The following ZNF385D variants were observed in gnomAD, a reference collection of about 807,000 sequenced individuals.
The protein encoded by ZNF385D is zinc finger protein 659.
ZNF385D carries 15 observed loss-of-function variants against 35.8 expected under a neutral mutation model. The ratio of observed to expected loss-of-function variants is 0.42; its 90% CI spans 0.28 to 0.64. The LOEUF (loss-of-function observed/expected upper bound fraction) is 0.64. Ranked by LOEUF, ZNF385D falls within the 30% of genes least tolerant of loss-of-function variation. ZNF385D has a pLI of 0.23. For synonymous variants in ZNF385D, 212 were observed against 186.8 expected (o/e 1.13, Z -1.10); for missense variants, 474 against 494.6 (o/e 0.96, Z 0.39).
chr3:22,172,692 C>T (rs1694544715), intron 2 of ZNF385D, among the ~76,000 whole-genome samples: 1 of 152,108 alleles, frequency 6.6e-6, no homozygotes, highest in African/African-American at 2.4e-5. Context: ...AGAAACAAAG[C>T]TGGAGCAACT....
At chr3:21,828,752 A>G (rs971879961) in intron 3 of ZNF385D, among the ~76,000 whole-genome samples, 7 of 152,242 alleles carry the variant, frequency 4.6e-5, no homozygotes, top group Non-Finnish European at 7.3e-5. Flanking sequence ...CAGAAGTCTG[A>G]AATTAGTTTT....
At chr3:21,822,848 C>T (rs540392968) in intron 3 of ZNF385D, among the ~76,000 whole-genome samples, 105 of 152,064 alleles carry the variant, frequency 6.9e-4, no homozygotes, top group African/African-American at 2.4e-3. Context: ...TGGAATCTTA[C>T]TGTTATATAA....
chr3:22,168,351 T>A (rs1706469652), intron 3 of ZNF385D: 1 of 152,200 alleles, frequency 6.6e-6, no homozygotes, highest in Non-Finnish European at 1.5e-5. Context: ...ACTAGGAAAC[T>A]CAAAAGTCTG....
At chr3:21,746,143 T>G (rs2069759187) in intron 1 of ZNF385D, among the ~76,000 whole-genome samples, 1 of 152,246 alleles carries the variant, frequency 6.6e-6, no homozygotes, top group South Asian at 2.1e-4. Context: ...TCTTCCGGAA[T>G]GGAAGTCAGA....
At position 21,840,810 on chromosome 3, in the gene ZNF385D, T is replaced by C. The variant is rs368939230; in HGVS notation, c.326-175782A>G. On this transcript the variant is annotated intron_variant, in intron 3 of 5. Coordinates refer to the ZNF385D transcript ENST00000494108. Reference sequence around the variant, plus strand: ...TTGATAAATTACCCCCTTATGTCAATCACTACATATACTTATTATATTGAA... The same window carrying C: ...TTGATAAATTACCCCCTTATGTCAACCACTACATATACTTATTATATTGAA... Among the ~76,000 whole-genome samples the C allele has an allele frequency of 7.2e-4, 110 of 152,128 alleles. 2 individuals carry two copies. The South Asian group carries it at 0.016, about 22-fold the overall frequency.
intron 3 of ZNF385D, among the ~76,000 whole-genome samples, chr3:22,138,851 A>C (rs1704318299): frequency 6.6e-6 from 1 of 152,176 alleles, no homozygotes; most frequent in South Asian, 2.1e-4. Context: ...TCTGCACAGC[A>C]AAAGAAACTA....
At chr3:21,795,230 T>C (rs1449979248) in intron 3 of ZNF385D, among the ~76,000 whole-genome samples, 1 of 152,250 alleles carries the variant, frequency 6.6e-6, no homozygotes, top group Non-Finnish European at 1.5e-5. Context: ...CTAAGTCTTT[T>C]TCATGTAATT....
chr3:21,472,356 G>A (rs1410837294), intron 4 of ZNF385D, among the ~76,000 whole-genome samples: 1 of 152,018 alleles, frequency 6.6e-6, no homozygotes, highest in Non-Finnish European at 1.5e-5. Context: ...AGGACATAGA[G>A]GAGGACTATA....
chr3:21,768,552 G>A (rs539197017), intron 3 of ZNF385D, among the ~76,000 whole-genome samples: 2 of 152,090 alleles, frequency 1.3e-5, no homozygotes, highest in East Asian at 1.9e-4. Context: ...TAGAGTAGCA[G>A]CAACCCCTCC....
At chr3:21,854,312 C>T (rs190083488) in intron 3 of ZNF385D, among the ~76,000 whole-genome samples, 1 of 152,114 alleles carries the variant, frequency 6.6e-6, no homozygotes, top group Non-Finnish European at 1.5e-5. Flanking sequence ...CACTTATTTA[C>T]ATCCTATTCC....
chr3:22,321,882 T>G (rs181322756), intron 2 of ZNF385D, among the ~76,000 whole-genome samples: 470 of 152,182 alleles, frequency 3.1e-3, no homozygotes, highest in Middle Eastern at 6.8e-3. Flanking sequence ...TACACTCCCT[T>G]TATTGAGTGT....
intron 2 of ZNF385D, among the ~76,000 whole-genome samples, chr3:22,227,346 A>G (rs1698622374): frequency 1.3e-5 from 2 of 152,070 alleles, no homozygotes; most frequent in Non-Finnish European, 2.9e-5. Context: ...CTGCCCAAGG[A>G]AGGACGTGAA....
At chr3:21,531,925 A>G (rs1163104252) in intron 3 of ZNF385D, among the ~76,000 whole-genome samples, 3 of 152,200 alleles carry the variant, frequency 2.0e-5, no homozygotes, top group East Asian at 1.9e-4. Flanking sequence ...AGGTAAATCA[A>G]TTGAAACAAA....
intron 2 of ZNF385D, among the ~76,000 whole-genome samples, chr3:22,329,672 T>C (rs1000955325): frequency 4.6e-5 from 7 of 152,172 alleles, no homozygotes; most frequent in Non-Finnish European, 8.8e-5. Flanking sequence ...TAAGAGTAAA[T>C]ATTATATAGA....
intron 3 of ZNF385D, among the ~76,000 whole-genome samples, chr3:21,802,068 A>G (rs1878009): frequency 0.26 from 39,278 of 152,052 alleles, 5,354 homozygotes; most frequent in Middle Eastern, 0.34. Context: ...TACATCTCAC[A>G]GTGGACAATA....
intron 3 of ZNF385D, among the ~76,000 whole-genome samples, chr3:22,078,569 T>C (rs928256331): frequency 6.6e-6 from 1 of 152,062 alleles, no homozygotes; most frequent in African/African-American, 2.4e-5. Flanking sequence ...GCACAGTGCT[T>C]ATCAAGGCAA....
intron 1 of ZNF385D, among the ~76,000 whole-genome samples, chr3:21,719,453 G>A (rs551970314): frequency 2.0e-3 from 309 of 152,296 alleles, no homozygotes; most frequent in African/African-American, 7.2e-3. Context: ...CTCAAGCAAA[G>A]GTATCTCCAG....
At chr3:21,518,151 A>T (rs138684979) in intron 3 of ZNF385D, among the ~76,000 whole-genome samples, 1 of 152,322 alleles carries the variant, frequency 6.6e-6, no homozygotes, top group African/African-American at 2.4e-5. Flanking sequence ...CTTAAGATGA[A>T]TGTATAATCA....
At chr3:21,721,871 G>A (rs1031691427) in intron 1 of ZNF385D, among the ~76,000 whole-genome samples, 43 of 152,066 alleles carry the variant, frequency 2.8e-4, no homozygotes, top group African/African-American at 9.9e-4. Flanking sequence ...AGGCCCAGGC[G>A]GGTGGATCAC....
Sources: allele counts gnomAD v4.1 joint callset (sites outside exome capture counted in the v4.1 genomes callset), GRCh38; gene constraint gnomAD v4.1.1; transcripts MANE v1.5; gene names NCBI Gene and HGNC (gene_info 2026-07-23, HGNC 2026-07-21).